PRKN: variants seen among roughly 807,000 people sequenced by gnomAD.
The protein encoded by PRKN is E3 ubiquitin-protein ligase parkin.
A neutral mutation model predicts 59.5 loss-of-function variants in PRKN; 56 were observed. That is an observed-to-expected ratio of 0.94 (90% CI 0.76 to 1.18). The LOEUF (loss-of-function observed/expected upper bound fraction) is 1.18. PRKN is among the 50% of genes most tolerant of loss of function. The pLI, the probability that PRKN is intolerant of heterozygous loss-of-function variation, is 0.00. For synonymous variants in PRKN, 250 were observed against 222.1 expected (o/e 1.13, Z -1.12); for missense variants, 657 against 596.4 (o/e 1.10, Z -1.06).
chr6:161,452,044 C>A (rs1027028612), intron 9 of PRKN, among the ~76,000 whole-genome samples: 19 of 151,978 alleles, frequency 1.3e-4, no homozygotes, highest in African/African-American at 3.9e-4. Flanking sequence ...CACCCTCCCC[C>A]TCCCGGGTTC....
At chr6:162,192,442 A>ATTTTTTT (rs10534285) in intron 4 of PRKN, among the ~76,000 whole-genome samples, 5 of 74,730 alleles carry the variant, frequency 6.7e-5, no homozygotes, top group African/African-American at 2.6e-4. Context: ...AATTATAGGG[A>ATTTTTTT]TTTTTTTTTT....
chr6:162,142,291 G>T (rs539626879), intron 4 of PRKN, among the ~76,000 whole-genome samples: 138 of 152,260 alleles, frequency 9.1e-4, no homozygotes, highest in African/African-American at 3.0e-3. Flanking sequence ...CAGCACAGAT[G>T]GCAGCCCAGT....
chr6:161,953,808 C>A (rs142670309), intron 6 of PRKN, among the ~76,000 whole-genome samples: 2 of 152,152 alleles, frequency 1.3e-5, no homozygotes, highest in Non-Finnish European at 2.9e-5. Flanking sequence ...GCTAGCACGA[C>A]GCACCCTGAA....
chr6:162,468,129 C>T (rs1017190725), intron 1 of PRKN, among the ~76,000 whole-genome samples: 9 of 152,146 alleles, frequency 5.9e-5, no homozygotes, highest in African/African-American at 2.2e-4. Context: ...GACTTTGCCT[C>T]TGTATATTCA....
chr6:162,310,199 A>G (rs1298087873), intron 2 of PRKN, among the ~76,000 whole-genome samples: 1 of 152,174 alleles, frequency 6.6e-6, no homozygotes, highest in Non-Finnish European at 1.5e-5. Flanking sequence ...CCACCAACTT[A>G]GGATACTTCC....
At chr6:162,675,008 G>A (rs1318841999) in intron 1 of PRKN, among the ~76,000 whole-genome samples, 4 of 150,858 alleles carry the variant, frequency 2.7e-5, no homozygotes, top group Admixed American at 2.0e-4. Context: ...ATTTTGGGGC[G>A]GCAGAGAAAG....
intron 7 of PRKN, among the ~76,000 whole-genome samples, chr6:161,647,191 T>C (rs1028835048): frequency 2.6e-5 from 4 of 152,216 alleles, no homozygotes; most frequent in Admixed American, 2.0e-4. Context: ...CCCTGAGACG[T>C]ACATCCTTAC....
rs952153860 is a variant in PRKN at position 161,348,843 on chromosome 6, T to G, written c.*1256A>C. The G allele has an allele frequency of 4.8e-6, 1 of 208,814 alleles. No homozygotes were observed. The highest frequency in any genetic ancestry group is 9.7e-6 in the Non-Finnish European group (1 of 102,624). 12.9% of individuals were successfully genotyped at this position (208,814 alleles called of 1,614,324 possible). ...GTAGTGTGGGTAAGAGCATGCGGTT[T>G]GCCGCATGCAGTGTTGTTAATCTTT... is the stretch of plus-strand genomic sequence containing the variant. On this transcript the variant is annotated 3_prime_UTR_variant, in exon 12 of 12. Coordinates refer to ENST00000366898, the MANE Select transcript of PRKN (RefSeq NM_004562.3). The surrounding 1 kb of genome is among the most constrained non-coding windows in gnomAD (Gnocchi z 4.9).
At chr6:162,674,866 T>TG (rs1327815522) in intron 1 of PRKN, among the ~76,000 whole-genome samples, 1 of 151,950 alleles carries the variant, frequency 6.6e-6, no homozygotes, top group Non-Finnish European at 1.5e-5. Flanking sequence ...AGGAAACAGA[T>TG]GCCAGCAATA....
chr6:162,589,464 T>C (rs1432437321), intron 1 of PRKN, among the ~76,000 whole-genome samples: 2 of 152,222 alleles, frequency 1.3e-5, no homozygotes, highest in African/African-American at 2.4e-5. Flanking sequence ...AAAGAAAGGA[T>C]AGTGACTGTA....
At chr6:162,094,320 T>C (rs951507207) in intron 4 of PRKN, among the ~76,000 whole-genome samples, 1 of 151,804 alleles carries the variant, frequency 6.6e-6, no homozygotes, top group Non-Finnish European at 1.5e-5. Flanking sequence ...CGAGAGCCCA[T>C]CTCTACTAAA....
At chr6:162,607,550 T>G (rs545689441) in intron 1 of PRKN, among the ~76,000 whole-genome samples, 1 of 145,172 alleles carries the variant, frequency 6.9e-6, no homozygotes, top group African/African-American at 2.4e-5. Flanking sequence ...GAGTTTTTTT[T>G]TTTAATGGGG....
intron 9 of PRKN, among the ~76,000 whole-genome samples, chr6:161,412,615 CA>C (rs1422912920): frequency 3.3e-5 from 5 of 150,444 alleles, no homozygotes; most frequent in Non-Finnish European, 7.4e-5. Flanking sequence ...CTTATTCCTC[CA>C]CTCACTCATT....
In PRKN at chr6:161,603,149, T is replaced by G. The variant is rs1282267041; in HGVS notation, c.872-33733A>C. ...GCAGCAACAGTGCTAAATTGCCGAT[T>G]TTTTTTTGGCACCATATTGACTATC... On this transcript the variant is annotated intron_variant, in intron 7 of 11. Transcript: ENST00000366898. 2.0e-5 allele frequency among the ~76,000 whole-genome samples: 3 copies of G among 152,032 alleles called. No individual in the cohort carries two copies. The East Asian group carries it at 5.8e-4, about 29-fold the overall frequency.
intron 9 of PRKN, among the ~76,000 whole-genome samples, chr6:161,433,743 A>C (rs1788754804): frequency 6.6e-6 from 1 of 152,076 alleles, no homozygotes; most frequent in Non-Finnish European, 1.5e-5. Context: ...TAGGCTGAGC[A>C]CTGTGGCTGT....
intron 2 of PRKN, among the ~76,000 whole-genome samples, chr6:162,414,643 G>T (rs753504369): frequency 7.0e-6 from 1 of 142,904 alleles, no homozygotes; most frequent in Non-Finnish European, 1.5e-5. Flanking sequence ...CCCAGGAGGC[G>T]GAGGTTGCAG....
At chr6:161,748,180 G>C (rs1788513597) in intron 7 of PRKN, among the ~76,000 whole-genome samples, 1 of 152,106 alleles carries the variant, frequency 6.6e-6, no homozygotes, top group Non-Finnish European at 1.5e-5. Flanking sequence ...CAGCTTTGAG[G>C]ATGCTTCTAC....
chr6:161,499,062 C>T lies in PRKN; in HGVS notation c.1083+49792G>A, dbSNP rs971517994. Among the ~76,000 whole-genome samples, 2 of 151,898 alleles carry T rather than the reference C, an allele frequency of 1.3e-5. No individual in the cohort carries two copies. The highest frequency in any genetic ancestry group is 2.4e-5 in the African/African-American group (1 of 41,312). On this transcript the variant is annotated intron_variant, in intron 9 of 11. Coordinates refer to ENST00000366898, the MANE Select transcript of PRKN (RefSeq NM_004562.3). This position sits in a 1 kb window ranked among gnomAD's most constrained non-coding sequence, Gnocchi z 4.2. The stretch of plus-strand genomic sequence containing the variant: ...TGTGATCTAGTCCAAACCAACCTTC[C>T]CAGCTAGGGTTTCGTTCAAAGGTCA...
At chr6:161,432,513 C>G (rs1788694899) in intron 9 of PRKN, among the ~76,000 whole-genome samples, 1 of 151,420 alleles carries the variant, frequency 6.6e-6, no homozygotes, top group African/African-American at 2.4e-5. Flanking sequence ...CAGGCGCCCG[C>G]CATCACCATG....
Sources: allele counts gnomAD v4.1 joint callset (sites outside exome capture counted in the v4.1 genomes callset), GRCh38; gene constraint gnomAD v4.1.1; non-coding constraint Gnocchi (gnomAD v3.1); transcripts MANE v1.5; gene names NCBI Gene and HGNC (gene_info 2026-07-23, HGNC 2026-07-21).